COL23A1: variants seen among roughly 807,000 people sequenced by gnomAD.
The protein encoded by COL23A1 is collagen type XXIII alpha 1 chain, also known as collagen alpha-1(XXIII) chain.
A neutral mutation model predicts 99.3 loss-of-function variants in COL23A1; 97 were observed. The ratio of observed to expected loss-of-function variants is 0.98; its 90% CI spans 0.83 to 1.16. The LOEUF (loss-of-function observed/expected upper bound fraction) is 1.16, where lower values mean the gene tolerates loss of function less well. Ranked by LOEUF, COL23A1 falls within the 50% of genes most tolerant of loss-of-function variation. The pLI, the probability that COL23A1 is intolerant of heterozygous loss-of-function variation, is 0.00. For synonymous variants in COL23A1, 320 were observed against 308.2 expected, an observed-to-expected ratio of 1.04 and a Z score of -0.40; for missense variants, 762 against 757.4, an observed-to-expected ratio of 1.01 and a Z score of -0.07.
intron 2 of COL23A1, among the ~76,000 whole-genome samples, chr5:178,408,810 C>A (rs1413497893): frequency 6.6e-6 from 1 of 151,912 alleles, no homozygotes; most frequent in South Asian, 2.1e-4. Flanking sequence ...CAAAAATTAG[C>A]TGGGTGTGGT....
At chr5:178,427,783 C>T (rs925320526) in intron 2 of COL23A1, among the ~76,000 whole-genome samples, 2 of 152,096 alleles carry the variant, frequency 1.3e-5, no homozygotes, top group African/African-American at 4.8e-5. Flanking sequence ...GAAAAGATCA[C>T]TCGTTGCCAG....
intron 1 of COL23A1, among the ~76,000 whole-genome samples, chr5:178,587,756 G>A (rs182809328): frequency 1.6e-4 from 24 of 152,232 alleles, no homozygotes; most frequent in Admixed American, 1.4e-3. Context: ...CCCTGTATGT[G>A]CCTCCCACAG....
At chr5:178,399,185 T>C (rs563528531) in intron 2 of COL23A1, among the ~76,000 whole-genome samples, 1 of 152,312 alleles carries the variant, frequency 6.6e-6, no homozygotes, top group East Asian at 1.9e-4. Flanking sequence ...GTGTGGTGTT[T>C]CTGAGCAGGA....
intron 2 of COL23A1, among the ~76,000 whole-genome samples, chr5:178,455,244 C>T (rs1477713900): frequency 1.3e-5 from 2 of 152,228 alleles, no homozygotes; most frequent in African/African-American, 4.8e-5. Context: ...CCGATGAAGG[C>T]GTGAAAAGTC....
At chr5:178,258,401 T>G (rs1765446066) in intron 12 of COL23A1, among the ~76,000 whole-genome samples, 1 of 135,942 alleles carries the variant, frequency 7.4e-6, no homozygotes. Context: ...GAGGTTTTTT[T>G]TTTTTTTTTT....
intron 2 of COL23A1, among the ~76,000 whole-genome samples, chr5:178,545,404 C>T (rs1280119247): frequency 1.3e-5 from 2 of 152,176 alleles, no homozygotes; most frequent in Non-Finnish European, 2.9e-5. Context: ...CTCATGACCT[C>T]ACAGGGAAGG....
intron 2 of COL23A1, among the ~76,000 whole-genome samples, chr5:178,521,293 C>G (rs543013127): frequency 1.3e-5 from 2 of 152,324 alleles, no homozygotes; most frequent in Admixed American, 6.5e-5. Flanking sequence ...GTGGCTCACA[C>G]CTGTAATCCC....
At chr5:178,360,879 G>C (rs771935436) in intron 2 of COL23A1, among the ~76,000 whole-genome samples, 2 of 152,196 alleles carry the variant, frequency 1.3e-5, no homozygotes. Flanking sequence ...GAAATGCTAC[G>C]CACCTGGGGC....
At chr5:178,517,275 G>A (rs1047331112) in intron 2 of COL23A1, among the ~76,000 whole-genome samples, 2 of 152,176 alleles carry the variant, frequency 1.3e-5, no homozygotes, top group Non-Finnish European at 2.9e-5. Context: ...GTGGATAAAA[G>A]CAAACCTGTA....
rs1267044483 is a variant in COL23A1, at chr5:178,527,169, C to A, written c.361+33513G>T. Among the ~76,000 whole-genome samples, 3 of 152,042 alleles carry A rather than the reference C, an allele frequency of 2.0e-5. No homozygotes were observed. In the East Asian group the frequency reaches 5.8e-4, roughly 29 times the overall value. ...GGACAAGCAGGGCTCAGGGAGGCAG[C>A]AAGGCGGGGGGCCCTCGGTGAGGAG... On this transcript the variant is annotated intron_variant, in intron 2 of 28. Transcript: ENST00000390654.
chr5:178,310,200 G>A lies in COL23A1; in HGVS notation c.362-3281C>T, dbSNP rs1241119791. The stretch of plus-strand genomic sequence containing the variant: ...GGAGCTGCACTCCCTGCTGACTGTG[G>A]GCTCCCACTCCACTGCTTCCACCAA... On this transcript the variant is annotated intron_variant, in intron 2 of 28. Transcript: ENST00000390654. The surrounding 1 kb of genome is among the most constrained non-coding windows in gnomAD (Gnocchi z 4.3). Among the ~76,000 whole-genome samples the A allele has an allele frequency of 6.6e-6, 1 of 152,166 alleles. No individual in the cohort carries two copies. Among genetic ancestry groups the A allele is most frequent in the African/African-American group, 2.4e-5 (1 of 41,434 alleles).
chr5:178,353,024 T>G (rs1458631224), intron 2 of COL23A1, among the ~76,000 whole-genome samples: 2 of 152,226 alleles, frequency 1.3e-5, no homozygotes, highest in Non-Finnish European at 2.9e-5. Context: ...GCACATACGC[T>G]TTGATCTAGC....
At chr5:178,538,224 A>C (rs1325691729) in intron 2 of COL23A1, among the ~76,000 whole-genome samples, 1 of 152,004 alleles carries the variant, frequency 6.6e-6, no homozygotes, top group Non-Finnish European at 1.5e-5. Context: ...TGGGCATTCC[A>C]CCTCTAGGCA....
At chr5:178,271,384 C>A (rs137919439) in intron 5 of COL23A1, among the ~76,000 whole-genome samples, 260 of 152,326 alleles carry the variant, frequency 1.7e-3, no homozygotes, top group African/African-American at 3.4e-3. Flanking sequence ...ACCTGCCGGG[C>A]ACATCCTTCC....
At chr5:178,551,688 C>T (rs190298840) in intron 2 of COL23A1, among the ~76,000 whole-genome samples, 2 of 152,250 alleles carry the variant, frequency 1.3e-5, no homozygotes, top group Admixed American at 6.5e-5. Context: ...CCCTCCTCCC[C>T]GTGCCTGGCA....
chr5:178,258,262 T>TATATATATATATATATACAC, intron 12 of COL23A1, among the ~76,000 whole-genome samples: 1,249 of 103,938 alleles, frequency 0.012, 134 homozygotes, highest in Non-Finnish European at 0.021. Flanking sequence ...TATATATATA[T>TATATATATATATATATACAC]ACACATGCAA....
At chr5:178,478,247 C>T (rs1757137016) in intron 2 of COL23A1, among the ~76,000 whole-genome samples, 1 of 152,130 alleles carries the variant, frequency 6.6e-6, no homozygotes, top group Non-Finnish European at 1.5e-5. Context: ...CAGGGCTTGG[C>T]CAGGAGAATC....
chr5:178,564,676 A>T (rs756705351), intron 1 of COL23A1, among the ~76,000 whole-genome samples: 8 of 152,194 alleles, frequency 5.3e-5, no homozygotes, highest in Non-Finnish European at 1.2e-4. Flanking sequence ...GGGCGGCAAG[A>T]GCTCAGGGAA....
chr5:178,549,004 C>T (rs1761863706), intron 2 of COL23A1, among the ~76,000 whole-genome samples: 1 of 151,054 alleles, frequency 6.6e-6, no homozygotes, highest in Non-Finnish European at 1.5e-5. Flanking sequence ...ACAAATACTT[C>T]TTTTTTTTTG....
Sources: allele counts gnomAD v4.1 joint callset (sites outside exome capture counted in the v4.1 genomes callset), GRCh38; gene constraint gnomAD v4.1.1; non-coding constraint Gnocchi (gnomAD v3.1); transcripts MANE v1.5; gene names NCBI Gene and HGNC (gene_info 2026-07-23, HGNC 2026-07-21).